Variants in KCNT2 observed in about 807,000 individuals in gnomAD.
KCNT2 encodes potassium sodium-activated channel subfamily T member 2.
Under a neutral mutation model 153.8 loss-of-function variants are expected in KCNT2, and 67 were observed. The ratio of observed to expected loss-of-function variants is 0.44; its 90% CI spans 0.36 to 0.53. The LOEUF is 0.53. Ranked by LOEUF, KCNT2 falls within the 20% of genes least tolerant of loss-of-function variation. The pLI is 0.00. For synonymous variants in KCNT2, 500 were observed against 458.8 expected, an observed-to-expected ratio of 1.09 and a Z score of -1.15; for missense variants, 975 against 1,354.8, an observed-to-expected ratio of 0.72 and a Z score of 4.40.
chr1:196,425,484 T>G (rs943136714), intron 11 of KCNT2, among the ~76,000 whole-genome samples: 3 of 151,942 alleles, frequency 2.0e-5, no homozygotes, highest in Non-Finnish European at 4.4e-5. Context: ...CCCACAATTT[T>G]TATATGTGGG....
At chr1:196,584,158 C>G (rs1287338249) in intron 1 of KCNT2, among the ~76,000 whole-genome samples, 3 of 6,854 alleles carry the variant, frequency 4.4e-4, no homozygotes, top group African/African-American at 7.6e-4. Context: ...ATACTAGCAT[C>G]TGGAATTAAG....
chr1:196,474,868 T>C (rs1001942319), intron 5 of KCNT2, among the ~76,000 whole-genome samples: 1 of 152,192 alleles, frequency 6.6e-6, no homozygotes, highest in Non-Finnish European at 1.5e-5. Context: ...AGCACAGACC[T>C]GCACTTCTGT....
intron 14 of KCNT2, among the ~76,000 whole-genome samples, chr1:196,366,160 T>C (rs1668020765): frequency 6.6e-6 from 1 of 151,396 alleles, no homozygotes; most frequent in South Asian, 2.1e-4. Context: ...TTTATTTAAT[T>C]ATTATTTTTT....
chr1:196,439,101 C>T (rs755071525), intron 8 of KCNT2, among the ~76,000 whole-genome samples: 1 of 151,808 alleles, frequency 6.6e-6, no homozygotes, highest in Non-Finnish European at 1.5e-5. Flanking sequence ...CAATATTGAG[C>T]TTAAACTGGA....
intron 16 of KCNT2, 23 bp downstream of exon 16, chr1:196,340,318 A>ATT: frequency 8.0e-7 from 1 of 1,251,962 alleles, no homozygotes; most frequent in South Asian, 1.5e-5. Flanking sequence ...AATTAATGAT[A>ATT]TTTCAAATTT....
intron 1 of KCNT2, among the ~76,000 whole-genome samples, chr1:196,563,172 C>G (rs1486913060): frequency 1.3e-5 from 2 of 151,904 alleles, no homozygotes; most frequent in East Asian, 3.9e-4. Context: ...GAAATCAGGC[C>G]TTAGAAATAC....
rs1371505290 is a variant in KCNT2 at position 196,550,769 on chromosome 1, G to T, written c.95+57446C>A. ...GAACCTCTGTTTCCACCAGGCAGAT[G>T]CTTCTATTCTCTGAACCAAAGGCTA... On this transcript the variant is annotated intron_variant, in intron 1 of 27. Transcript: ENST00000294725. 2.6e-5 allele frequency among the ~76,000 whole-genome samples: 4 copies of T among 151,736 alleles called. No homozygotes were observed. In the Admixed American group the frequency reaches 2.6e-4, roughly 10 times the overall value.
intron 1 of KCNT2, among the ~76,000 whole-genome samples, chr1:196,598,048 A>T (rs963782054): frequency 6.6e-6 from 1 of 152,176 alleles, no homozygotes. Context: ...GAAAAATATT[A>T]AAAAATAAAA....
chr1:196,350,257 T>C (rs1035397459), intron 14 of KCNT2, among the ~76,000 whole-genome samples: 1 of 152,180 alleles, frequency 6.6e-6, no homozygotes, highest in Non-Finnish European at 1.5e-5. Flanking sequence ...GTATTTCTAG[T>C]TCTAGATCCC....
intron 1 of KCNT2, among the ~76,000 whole-genome samples, chr1:196,595,227 G>A (rs1663899122): frequency 6.6e-6 from 1 of 152,054 alleles, no homozygotes; most frequent in East Asian, 1.9e-4. Context: ...TTTTGAAATG[G>A]AGAATTGAAA....
At chr1:196,488,506 T>C (rs776115011) in intron 3 of KCNT2, among the ~76,000 whole-genome samples, 4 of 152,006 alleles carry the variant, frequency 2.6e-5, no homozygotes, top group Admixed American at 6.6e-5. Flanking sequence ...AATATAATTT[T>C]ACTCTGCTAA....
chr1:196,423,110 C>T lies in KCNT2; in HGVS notation c.1125G>A (p.Met375Ile), dbSNP rs1397586759. The T allele has an allele frequency of 1.3e-6, 2 of 1,596,122 alleles. No homozygotes were observed. Among genetic ancestry groups the T allele is most frequent in the East Asian group, 2.3e-5 (1 of 44,230 alleles). The change falls in exon 12 of 28, where the codon ATG becomes ATA. Residue 375 changes from methionine to isoleucine, a missense_variant. Met to Ile is a conservative substitution (Grantham distance 10). This residue lies in a region of KCNT2 where 202 missense variants were observed against 314.9 expected (regional missense o/e 0.64). Coordinates refer to ENST00000294725, the MANE Select transcript of KCNT2 (RefSeq NM_198503.5). Reference protein sequence around the residue: ...LKDQDLLRAKMDDAEACFILS... With the variant: ...LKDQDLLRAKIDDAEACFILS... ...GAATAAAACAGGCCTCAGCGTCATC[C>T]ATCCTAAATACAGATGGAAAAACAA...
chr1:196,381,703 A>G (rs1029001622), intron 13 of KCNT2, among the ~76,000 whole-genome samples: 1 of 152,212 alleles, frequency 6.6e-6, no homozygotes, highest in Non-Finnish European at 1.5e-5. Flanking sequence ...CCACTTAAAG[A>G]TGACCACTTG....
intron 1 of KCNT2, among the ~76,000 whole-genome samples, chr1:196,524,129 T>A (rs1314317347): frequency 2.6e-5 from 4 of 152,148 alleles, no homozygotes; most frequent in Admixed American, 2.6e-4. Flanking sequence ...GTAATCCTAC[T>A]AAATTTCTTT....
At chr1:196,332,923 T>C (rs1664610419) in intron 17 of KCNT2, among the ~76,000 whole-genome samples, 1 of 151,764 alleles carries the variant, frequency 6.6e-6, no homozygotes, top group Non-Finnish European at 1.5e-5. Context: ...TAGGTAGGAT[T>C]GCAGGCGCGC....
At chr1:196,333,221 C>T (rs1318428925) in intron 17 of KCNT2, among the ~76,000 whole-genome samples, 1 of 151,778 alleles carries the variant, frequency 6.6e-6, no homozygotes, top group Non-Finnish European at 1.5e-5. Context: ...CTGTGTTTTC[C>T]TGAAGAATGA....
chr1:196,248,574 A>C (rs1925331), intron 26 of KCNT2, among the ~76,000 whole-genome samples: 109,318 of 151,996 alleles, frequency 0.72, 42,188 homozygotes, highest in East Asian at 0.94. Flanking sequence ...CTAGACACAC[A>C]AAACCTACCA....
At chr1:196,526,141 C>T (rs540601615) in intron 1 of KCNT2, among the ~76,000 whole-genome samples, 2 of 151,732 alleles carry the variant, frequency 1.3e-5, no homozygotes, top group South Asian at 4.2e-4. Context: ...GACAAGAATG[C>T]ATTGGATCAT....
intron 12 of KCNT2, among the ~76,000 whole-genome samples, chr1:196,405,825 T>C (rs1427853310): frequency 6.6e-6 from 1 of 151,572 alleles, no homozygotes; most frequent in Non-Finnish European, 1.5e-5. Context: ...AAAGTGAAAC[T>C]GAATTGTAAA....
Sources: allele counts gnomAD v4.1 joint callset (sites outside exome capture counted in the v4.1 genomes callset), GRCh38; gene constraint gnomAD v4.1.1; regional missense constraint gnomAD v4.1.1; transcripts MANE v1.5; gene names NCBI Gene and HGNC (gene_info 2026-07-23, HGNC 2026-07-21).